PTPRT: variants seen among roughly 807,000 people sequenced by gnomAD.
PTPRT encodes receptor-type tyrosine-protein phosphatase T.
Under a neutral mutation model 176.8 loss-of-function variants are expected in PTPRT, and 56 were observed. The ratio of observed to expected loss-of-function variants is 0.32; its 90% confidence interval spans 0.26 to 0.40. PTPRT has a LOEUF of 0.40. Among genes scored for constraint, PTPRT ranks in the 10% least tolerant of loss-of-function variants. The pLI, the probability that PTPRT is intolerant of heterozygous loss-of-function variation, is 1.00. For synonymous variants in PTPRT, 783 were observed against 739.0 expected (o/e 1.06, Z -0.96); for missense variants, 1,540 against 1,908.2 (o/e 0.81, Z 3.60).
intron 1 of PTPRT, among the ~76,000 whole-genome samples, chr20:43,120,277 G>GT (rs11482986): frequency 0.51 from 75,008 of 147,716 alleles, 20,593 homozygotes; most frequent in Non-Finnish European, 0.64. Flanking sequence ...TCCAGATCCA[G>GT]TTTTTTTTTT....
chr20:42,361,319 T>C (rs2058429079), intron 9 of PTPRT, among the ~76,000 whole-genome samples: 2 of 152,228 alleles, frequency 1.3e-5, no homozygotes, highest in South Asian at 4.1e-4. Flanking sequence ...TTTCTAAACC[T>C]GTGTAAGTAG....
intron 7 of PTPRT, among the ~76,000 whole-genome samples, chr20:42,638,044 G>A (rs943553785): frequency 1.3e-5 from 2 of 152,106 alleles, no homozygotes; most frequent in African/African-American, 4.8e-5. Flanking sequence ...ACTTTACACT[G>A]ATAGGGAGAA....
chr20:42,602,485 ATCC>A (rs1308216444), intron 7 of PTPRT, among the ~76,000 whole-genome samples: 5 of 152,054 alleles, frequency 3.3e-5, no homozygotes, highest in African/African-American at 1.2e-4. Context: ...CTTTCTATAT[ATCC>A]TTTCATTTAA....
At chr20:42,187,365 A>T (rs188870353) in intron 16 of PTPRT, among the ~76,000 whole-genome samples, 1 of 152,150 alleles carries the variant, frequency 6.6e-6, no homozygotes, top group Non-Finnish European at 1.5e-5. Flanking sequence ...CTTTCCACCT[A>T]GTTAAGAGCA....
chr20:42,085,624 A>T, intron 28 of PTPRT, 104 bp downstream of exon 28: 1 of 1,490,956 alleles, frequency 6.7e-7, no homozygotes, highest in Non-Finnish European at 9.2e-7. Flanking sequence ...TTATCAGGAG[A>T]GCACAACACA....
chr20:42,118,382 GC>G lies in PTPRT; in HGVS notation c.2982+20del. 6.3e-7 allele frequency: 1 copy of G among 1,588,542 alleles called. No individual in the cohort carries two copies. The highest frequency in any genetic ancestry group is 8.6e-7 in the Non-Finnish European group (1 of 1,163,424). On this transcript the variant is annotated intron_variant, in intron 21 of 30. Transcript: ENST00000373187. ...TGCATCTCCAGCATCCTCTGCCCAG[GC>G]GAGTGCAGGAGAGGCTTACCCTGCC...
At chr20:42,668,404 A>G (rs1349014708) in intron 7 of PTPRT, among the ~76,000 whole-genome samples, 2 of 152,228 alleles carry the variant, frequency 1.3e-5, no homozygotes, top group East Asian at 1.9e-4. Flanking sequence ...TATTTCTTCC[A>G]GAGAACACTA....
At chr20:42,333,034 A>AG (rs1240928499) in intron 11 of PTPRT, among the ~76,000 whole-genome samples, 1 of 152,238 alleles carries the variant, frequency 6.6e-6, no homozygotes, top group Non-Finnish European at 1.5e-5. Flanking sequence ...ACTAAACTTT[A>AG]GGAAACCACC....
chr20:43,057,510 A>G (rs1369156667), intron 1 of PTPRT, among the ~76,000 whole-genome samples: 1 of 152,152 alleles, frequency 6.6e-6, no homozygotes, highest in African/African-American at 2.4e-5. Flanking sequence ...ACTAAAAAAG[A>G]AAGTGCATGT....
intron 6 of PTPRT, among the ~76,000 whole-genome samples, chr20:42,743,532 G>T (rs929461390): frequency 6.6e-6 from 1 of 152,128 alleles, no homozygotes; most frequent in Non-Finnish European, 1.5e-5. Context: ...GTTTTAAGGC[G>T]GGAATAAGCG....
At chr20:42,150,056 G>C (rs879727503) in intron 17 of PTPRT, among the ~76,000 whole-genome samples, 2 of 152,170 alleles carry the variant, frequency 1.3e-5, no homozygotes, top group Non-Finnish European at 2.9e-5. Context: ...GAGAATGATC[G>C]CTGATGCCTG....
intron 7 of PTPRT, among the ~76,000 whole-genome samples, chr20:42,495,599 CT>C (rs1316941843): frequency 1.3e-5 from 2 of 152,194 alleles, no homozygotes; most frequent in African/African-American, 4.8e-5. Flanking sequence ...TGCAAAGCCT[CT>C]TTCAGTTTTC....
chr20:42,201,213 A>C (rs1038827788), intron 15 of PTPRT, among the ~76,000 whole-genome samples: 1 of 152,122 alleles, frequency 6.6e-6, no homozygotes. Flanking sequence ...TGGGAAGATC[A>C]CTTGAGAGCC....
At chr20:42,289,949 TTGTC>T (rs1339482640) in intron 12 of PTPRT, among the ~76,000 whole-genome samples, 1 of 152,082 alleles carries the variant, frequency 6.6e-6, no homozygotes. Flanking sequence ...CATAACCAAT[TTGTC>T]TCTGTTGGTC....
At chr20:43,085,884 C>T (rs2011589741) in intron 1 of PTPRT, among the ~76,000 whole-genome samples, 1 of 152,104 alleles carries the variant, frequency 6.6e-6, no homozygotes, top group Non-Finnish European at 1.5e-5. Flanking sequence ...ACCCAAAGTA[C>T]AGAGCGCTAA....
chr20:42,693,881 C>T (rs1230375751), intron 6 of PTPRT, among the ~76,000 whole-genome samples: 1 of 152,062 alleles, frequency 6.6e-6, no homozygotes, highest in African/African-American at 2.4e-5. Flanking sequence ...TCCCCACTTC[C>T]CCACCTCATC....
chr20:42,913,494 G>A (rs1401568394), intron 1 of PTPRT, among the ~76,000 whole-genome samples: 1 of 151,914 alleles, frequency 6.6e-6, no homozygotes, highest in Non-Finnish European at 1.5e-5. Context: ...CAATCATACT[G>A]TATCAGGGTC....
At position 42,086,747 on chromosome 20, in the gene PTPRT, A is replaced by AT. The variant is rs59722053; in HGVS notation, c.3847-895_3847-894insA. On this transcript the variant is annotated intron_variant, in intron 27 of 30. Transcript: ENST00000373187. Reference sequence around the variant, plus strand: ...ATCTCAAAAAAAAAAAAAAAAAAAAAAAAAAAATATATATATATATGGGTT... The same window carrying AT: ...ATCTCAAAAAAAAAAAAAAAAAAAAATAAAAAAATATATATATATATGGGTT... Among the ~76,000 whole-genome samples the AT allele has an allele frequency of 1.2e-4, 7 of 58,752 alleles. 1 individual carries two copies. Among genetic ancestry groups the AT allele is most frequent in the African/African-American group, 5.4e-4 (7 of 12,944 alleles). The allele number at this position is 58,752 out of a possible 152,430, so 38.5% of individuals were successfully genotyped here. A position where few individuals can be genotyped will look rare whatever the true frequency, so the allele number is the denominator to read the frequency against.
chr20:42,134,617 C>T (rs1285583731), intron 18 of PTPRT, among the ~76,000 whole-genome samples: 1 of 152,106 alleles, frequency 6.6e-6, no homozygotes, highest in Admixed American at 6.5e-5. Flanking sequence ...GGTCAAAGAC[C>T]ACTAGTATGC....
Sources: gnomAD v4.1 joint callset for allele counts (sites outside exome capture counted in the v4.1 genomes callset) on GRCh38, gnomAD v4.1.1 for gene constraint, MANE v1.5 for transcripts, NCBI Gene and HGNC (gene_info 2026-07-23, HGNC 2026-07-21) for gene names.